The following SLC9C1 variants were observed in gnomAD, a reference collection of about 807,000 sequenced individuals.
SLC9C1 encodes the protein solute carrier family 9 member C1.
In SLC9C1, 97 loss-of-function variants were observed where a neutral mutation model predicts 140.9. The observed-to-expected ratio is 0.69, with a 90% confidence interval of 0.58 to 0.82. The LOEUF (loss-of-function observed/expected upper bound fraction) is 0.82. Ranked by LOEUF, SLC9C1 falls within the 40% of genes least tolerant of loss-of-function variation. The pLI is 0.00. For missense variants in SLC9C1, 1,340 were observed against 1,389.3 expected, an observed-to-expected ratio of 0.96 and a Z score of 0.56; for synonymous variants, 440 against 442.6, an observed-to-expected ratio of 0.99 and a Z score of 0.07.
Position 112,227,099 on chromosome 3 carries a change from C to T in SLC9C1, c.1572+4262G>A, listed in dbSNP as rs908506832. Among the ~76,000 whole-genome samples the T allele has an allele frequency of 2.6e-5, 4 of 151,990 alleles. No individual in the cohort carries two copies. The East Asian group carries it at 5.8e-4, about 22-fold the overall frequency. On this transcript the variant is annotated intron_variant, in intron 13 of 28. Coordinates refer to ENST00000305815, the MANE Select transcript of SLC9C1 (RefSeq NM_183061.3). ...TGGGGGGAATGGATAAATTCCTGGA[C>T]ACATAAACCTACTGAGATTGAGCCA...
chr3:112,227,514 AC>A (rs35686806), intron 13 of SLC9C1, among the ~76,000 whole-genome samples: 45,562 of 151,972 alleles, frequency 0.3, 7,036 homozygotes, highest in East Asian at 0.36. Context: ...GACGCAAAAA[AC>A]ATTTGATAAA....
rs1310510293 is a variant in SLC9C1 at position 112,221,110 on chromosome 3, T to A, written c.1670+18A>T. 1.9e-6 allele frequency: 3 copies of A among 1,602,530 alleles called. No homozygotes were observed. Among genetic ancestry groups the A allele is most frequent in the Non-Finnish European group, 2.6e-6 (3 of 1,170,274 alleles). On this transcript the variant is annotated intron_variant, in intron 14 of 28. Coordinates refer to ENST00000305815, the MANE Select transcript of SLC9C1 (RefSeq NM_183061.3). The stretch of plus-strand genomic sequence containing the variant: ...GCTGTGGCTTAGAATAGAAGCCATC[T>A]CTTGAGAATATACTTACTTTCCCTT...
Position 112,263,043 on chromosome 3 carries a change from T to C in SLC9C1, c.1078A>G (p.Ser360Gly), listed in dbSNP as rs755144916. ...ACCATTATGAATATCCAGCGCCAAC[T>C]GAACTCATGACCAACTCGAGACAAA... ...PVLSRVGHEF[S>G]WRWIFIMVCS... The change falls in exon 10 of 29, where the codon AGT becomes GGT. Residue 360 changes from serine to glycine, a missense_variant. Transcript: ENST00000305815. 5 of 1,601,456 alleles carry C rather than the reference T, an allele frequency of 3.1e-6. No homozygotes were observed. The highest frequency in any genetic ancestry group is 4.3e-6 in the Non-Finnish European group (5 of 1,174,816).
intron 28 of SLC9C1, among the ~76,000 whole-genome samples, chr3:112,147,882 C>A (rs994217708): frequency 6.6e-6 from 1 of 152,084 alleles, no homozygotes; most frequent in Admixed American, 6.5e-5. Context: ...TGACTTTTCT[C>A]CTTCTCTAGG....
At chr3:112,265,570 A>G (rs887135970) in intron 8 of SLC9C1, among the ~76,000 whole-genome samples, 2 of 152,062 alleles carry the variant, frequency 1.3e-5, no homozygotes, top group African/African-American at 4.8e-5. Context: ...TTGTTAACAC[A>G]TATGTTTTCA....
At chr3:112,148,685 A>C (rs1366811563) in intron 28 of SLC9C1, among the ~76,000 whole-genome samples, 1 of 152,208 alleles carries the variant, frequency 6.6e-6, no homozygotes, top group Non-Finnish European at 1.5e-5. Flanking sequence ...GTTTACTGGC[A>C]GAAACTATTG....
intron 20 of SLC9C1, chr3:112,185,946 T>C: frequency 6.4e-7 from 1 of 1,565,122 alleles, no homozygotes; most frequent in Admixed American, 1.8e-5. Context: ...CAGCAGTAGC[T>C]TGGGGTGGTG....
chr3:112,267,997 G>T (rs538257028), intron 7 of SLC9C1, among the ~76,000 whole-genome samples: 2 of 152,144 alleles, frequency 1.3e-5, no homozygotes, highest in African/African-American at 4.8e-5. Flanking sequence ...TCTGTATCTT[G>T]TTTTAATGAA....
chr3:112,274,251 TC>T (rs1193709174), intron 6 of SLC9C1, among the ~76,000 whole-genome samples: 1 of 152,080 alleles, frequency 6.6e-6, no homozygotes, highest in Non-Finnish European at 1.5e-5. Flanking sequence ...AAATTTCTTC[TC>T]CTGATTAATA....
intron 1 of SLC9C1, among the ~76,000 whole-genome samples, chr3:112,287,773 C>A (rs915372240): frequency 6.6e-6 from 1 of 152,120 alleles, no homozygotes; most frequent in Non-Finnish European, 1.5e-5. Flanking sequence ...CCTGGCCGGG[C>A]ACGGTGGCTC....
At chr3:112,163,433 ACTG>A (rs1020470893) in intron 26 of SLC9C1, among the ~76,000 whole-genome samples, 3 of 148,086 alleles carry the variant, frequency 2.0e-5, no homozygotes, top group African/African-American at 7.4e-5. Context: ...CCCTCTACAC[ACTG>A]CTTTGAATGC....
chr3:112,207,521 A>G (rs1214337620), intron 16 of SLC9C1, among the ~76,000 whole-genome samples: 2 of 152,126 alleles, frequency 1.3e-5, no homozygotes, highest in African/African-American at 4.8e-5. Flanking sequence ...CTCATTTTCC[A>G]CATCCTGAAA....
chr3:112,183,135 T>C (rs2077469232), intron 20 of SLC9C1, among the ~76,000 whole-genome samples: 1 of 152,142 alleles, frequency 6.6e-6, no homozygotes, highest in Non-Finnish European at 1.5e-5. Context: ...TCATAAAGTA[T>C]GCATATGTTC....
chr3:112,157,629 A>G (rs907383311), intron 26 of SLC9C1, among the ~76,000 whole-genome samples: 10 of 151,916 alleles, frequency 6.6e-5, no homozygotes, highest in African/African-American at 1.9e-4. Context: ...CACTTTAACA[A>G]CATTAATTAT....
intron 14 of SLC9C1, among the ~76,000 whole-genome samples, chr3:112,220,479 G>A (rs577038861): frequency 9.2e-5 from 14 of 152,184 alleles, no homozygotes; most frequent in Admixed American, 9.2e-4. Flanking sequence ...AATTTAAGCA[G>A]GGAATTTTGG....
At chr3:112,241,323 C>T (rs551313648) in intron 11 of SLC9C1, among the ~76,000 whole-genome samples, 5 of 146,036 alleles carry the variant, frequency 3.4e-5, no homozygotes, top group Admixed American at 1.4e-4. Flanking sequence ...TACCAACAAA[C>T]ATTTTAAAAA....
At chr3:112,155,154 C>G in intron 26 of SLC9C1, 105 bp from the exon 27 acceptor site, 1 of 861,540 alleles carries the variant, frequency 1.2e-6, no homozygotes, top group South Asian at 2.4e-5. Context: ...ACACTCAGGA[C>G]CTGTGATCTG....
chr3:112,163,829 T>C (rs2075380871), intron 26 of SLC9C1, among the ~76,000 whole-genome samples: 1 of 152,174 alleles, frequency 6.6e-6, no homozygotes, highest in Non-Finnish European at 1.5e-5. Context: ...GGTATCCTTG[T>C]TGACTTTCTG....
At chr3:112,224,657 A>T (rs772198034) in intron 13 of SLC9C1, among the ~76,000 whole-genome samples, 1 of 152,006 alleles carries the variant, frequency 6.6e-6, no homozygotes, top group African/African-American at 2.4e-5. Context: ...AAAAAATACA[A>T]TTGAGAGCTT....
Sources: gnomAD v4.1 joint callset for allele counts (sites outside exome capture counted in the v4.1 genomes callset) on GRCh38, gnomAD v4.1.1 for gene constraint, MANE v1.5 for transcripts, NCBI Gene and HGNC (gene_info 2026-07-23, HGNC 2026-07-21) for gene names.